ATXN1: variants seen among roughly 807,000 people sequenced by gnomAD.
ATXN1 encodes the protein ataxin 1.
In ATXN1, 8 loss-of-function variants were observed where a neutral mutation model predicts 56.4. The observed-to-expected ratio is 0.14, with a 90% CI of 0.08 to 0.26. ATXN1 has a LOEUF of 0.26. ATXN1 is among the 10% of genes least tolerant of loss of function. The pLI is 1.00. For missense variants in ATXN1, 987 were observed against 1,106.5 expected (o/e 0.89, Z 1.53); for synonymous variants, 514 against 494.6 (o/e 1.04, Z -0.52).
chr6:16,677,199 G>A (rs1051782921), intron 2 of ATXN1, among the ~76,000 whole-genome samples: 15 of 152,116 alleles, frequency 9.9e-5, no homozygotes, highest in African/African-American at 2.7e-4. Flanking sequence ...GTGGGTGAGC[G>A]CTGAGAGATG....
intron 6 of ATXN1, among the ~76,000 whole-genome samples, chr6:16,425,256 A>G (rs1759125738): frequency 6.6e-6 from 1 of 152,128 alleles, no homozygotes. Context: ...AGTAGACCCT[A>G]CTCCATCCCA....
intron 6 of ATXN1, among the ~76,000 whole-genome samples, chr6:16,418,082 G>C (rs761897464): frequency 8.5e-5 from 13 of 152,190 alleles, no homozygotes; most frequent in Non-Finnish European, 1.9e-4. Flanking sequence ...ACGCTCTGGT[G>C]TAGCAAAAGA....
intron 2 of ATXN1, among the ~76,000 whole-genome samples, chr6:16,693,941 AATT>A (rs1759102015): frequency 1.3e-5 from 2 of 152,204 alleles, no homozygotes; most frequent in Admixed American, 1.3e-4. Flanking sequence ...CCGACACACT[AATT>A]ATAAAAGTCA....
chr6:16,620,884 G>T (rs1285291778), intron 3 of ATXN1, among the ~76,000 whole-genome samples: 1 of 152,186 alleles, frequency 6.6e-6, no homozygotes, highest in East Asian at 1.9e-4. Flanking sequence ...TATAAGCAAA[G>T]GAGAACTCTC....
At chr6:16,542,782 A>C (rs1183068347) in intron 4 of ATXN1, among the ~76,000 whole-genome samples, 1 of 152,212 alleles carries the variant, frequency 6.6e-6, no homozygotes, top group East Asian at 1.9e-4. Flanking sequence ...TTTCCTATAC[A>C]TATACACCCA....
intron 2 of ATXN1, among the ~76,000 whole-genome samples, chr6:16,662,901 T>G (rs1216871661): frequency 6.6e-6 from 1 of 151,950 alleles, no homozygotes; most frequent in Admixed American, 6.6e-5. Flanking sequence ...GGGTTTTCCC[T>G]GAAACTACTC....
intron 3 of ATXN1, chr6:16,615,342 A>G (rs2113795040): frequency 6.6e-6 from 1 of 151,482 alleles, no homozygotes; most frequent in Middle Eastern, 3.4e-3. Flanking sequence ...AGAGGAAAGG[A>G]ATGGAAGGGA....
chr6:16,391,252 A>ATT (rs370637495), intron 6 of ATXN1, among the ~76,000 whole-genome samples: 1 of 149,998 alleles, frequency 6.7e-6, no homozygotes, highest in Non-Finnish European at 1.5e-5. Context: ...ATAGATTACT[A>ATT]TTTTTTTTTA....
intron 6 of ATXN1, among the ~76,000 whole-genome samples, chr6:16,483,059 A>T (rs1760471771): frequency 6.6e-6 from 1 of 152,180 alleles, no homozygotes; most frequent in Admixed American, 6.5e-5. Context: ...TAACAACAGC[A>T]TTGTGCATAA....
chr6:16,510,673 G>A (rs1251277138), intron 5 of ATXN1, among the ~76,000 whole-genome samples: 2 of 152,198 alleles, frequency 1.3e-5, no homozygotes, highest in African/African-American at 4.8e-5. Context: ...AGGAGGTTGA[G>A]GCTGCAATGA....
chr6:16,417,893 T>C (rs1018159414), intron 6 of ATXN1, among the ~76,000 whole-genome samples: 2 of 152,144 alleles, frequency 1.3e-5, no homozygotes, highest in African/African-American at 4.8e-5. Context: ...GCCACTACCC[T>C]AGTTCATCCT....
chr6:16,646,248 A>G (rs558617675), intron 3 of ATXN1, among the ~76,000 whole-genome samples: 5 of 152,132 alleles, frequency 3.3e-5, no homozygotes, highest in Admixed American at 3.3e-4. Context: ...CGTGTCTACC[A>G]CTCCAGGGAA....
At chr6:16,756,029 T>C (rs1189325301) in intron 1 of ATXN1, among the ~76,000 whole-genome samples, 1 of 152,136 alleles carries the variant, frequency 6.6e-6, no homozygotes, top group African/African-American at 2.4e-5. Context: ...TTTTGGTACA[T>C]TTGGGATGGT....
intron 2 of ATXN1, among the ~76,000 whole-genome samples, chr6:16,674,336 CTTT>C (rs869081370): frequency 3.8e-5 from 3 of 78,114 alleles, no homozygotes; most frequent in African/African-American, 1.1e-4. Context: ...AGAGAACTTT[CTTT>C]TTTTTTTTTT....
At chr6:16,493,582 A>G (rs1375837291) in intron 5 of ATXN1, among the ~76,000 whole-genome samples, 2 of 151,878 alleles carry the variant, frequency 1.3e-5, no homozygotes, top group East Asian at 3.9e-4. Flanking sequence ...GGAATGTGGT[A>G]ACTTCCGTAA....
chr6:16,402,254 T>G (rs1313298955), intron 6 of ATXN1, among the ~76,000 whole-genome samples: 6 of 35,878 alleles, frequency 1.7e-4, no homozygotes, highest in African/African-American at 3.0e-4. Context: ...TTTTTTTTTT[T>G]TTTTTTTTTT....
intron 2 of ATXN1, among the ~76,000 whole-genome samples, chr6:16,740,978 A>G (rs771490102): frequency 2.0e-5 from 3 of 152,232 alleles, no homozygotes; most frequent in Non-Finnish European, 4.4e-5. Context: ...AAGCAAAGAC[A>G]TGTCTTTTCA....
intron 4 of ATXN1, among the ~76,000 whole-genome samples, chr6:16,584,901 A>G (rs1762595610): frequency 6.6e-6 from 1 of 152,160 alleles, no homozygotes; most frequent in Admixed American, 6.5e-5. Flanking sequence ...TGTAATGGGA[A>G]CTAATACAGA....
At chr6:16,436,362 C>G (rs1314106852) in intron 6 of ATXN1, among the ~76,000 whole-genome samples, 1 of 152,072 alleles carries the variant, frequency 6.6e-6, no homozygotes, top group South Asian at 2.1e-4. Flanking sequence ...AAGACACCCC[C>G]AACAACAAAT....
Sources: allele counts gnomAD v4.1 joint callset (sites outside exome capture counted in the v4.1 genomes callset), GRCh38; gene constraint gnomAD v4.1.1; transcripts MANE v1.5; gene names NCBI Gene and HGNC (gene_info 2026-07-23, HGNC 2026-07-21).